Variants in CNTNAP2 observed in about 807,000 individuals in gnomAD.
CNTNAP2 encodes the protein contactin associated protein 2, also known as contactin-associated protein-like 2.
CNTNAP2 carries 98 observed loss-of-function variants against 155.2 expected under a neutral mutation model. That is an observed-to-expected ratio of 0.63 (90% CI 0.54 to 0.75). The LOEUF (loss-of-function observed/expected upper bound fraction) is 0.75. CNTNAP2 is among the 30% of genes least tolerant of loss of function. The pLI, the probability that CNTNAP2 is intolerant of heterozygous loss-of-function variation, is 0.00. For missense variants in CNTNAP2, 1,727 were observed against 1,688.1 expected (o/e 1.02, Z -0.40); for synonymous variants, 651 against 631.2 (o/e 1.03, Z -0.47).
intron 13 of CNTNAP2, among the ~76,000 whole-genome samples, chr7:147,767,641 T>A (rs1257367810): frequency 6.6e-6 from 1 of 152,034 alleles, no homozygotes; most frequent in Non-Finnish European, 1.5e-5. Flanking sequence ...CAAACATACA[T>A]GTAAGACAGA....
intron 1 of CNTNAP2, among the ~76,000 whole-genome samples, chr7:146,305,628 G>T (rs1270398101): frequency 1.3e-5 from 2 of 152,024 alleles, no homozygotes; most frequent in Non-Finnish European, 2.9e-5. Context: ...TGGAAGCTTT[G>T]TCTCAGAGGG....
intron 20 of CNTNAP2, among the ~76,000 whole-genome samples, chr7:148,231,978 G>T (rs1256878802): frequency 6.6e-6 from 1 of 152,170 alleles, no homozygotes; most frequent in Non-Finnish European, 1.5e-5. Flanking sequence ...TTCCGCCCTA[G>T]GTTCTGCACC....
chr7:147,636,119 A>T (rs952019584), intron 12 of CNTNAP2, among the ~76,000 whole-genome samples: 1 of 152,224 alleles, frequency 6.6e-6, no homozygotes, highest in Non-Finnish European at 1.5e-5. Context: ...TTCTTTGCTT[A>T]TCAGAAGAAC....
chr7:147,737,623 C>G (rs949803519), intron 13 of CNTNAP2, among the ~76,000 whole-genome samples: 4 of 152,218 alleles, frequency 2.6e-5, no homozygotes, highest in African/African-American at 4.8e-5. Context: ...GAGGTGGAGT[C>G]TACAGAGGCA....
intron 1 of CNTNAP2, among the ~76,000 whole-genome samples, chr7:146,214,330 A>G (rs1037498879): frequency 3.3e-5 from 5 of 152,156 alleles, no homozygotes; most frequent in Admixed American, 6.5e-5. Flanking sequence ...AGGGTTCTAT[A>G]CAGTTCAGGA....
intron 14 of CNTNAP2, among the ~76,000 whole-genome samples, chr7:147,910,031 CA>C (rs1458678857): frequency 6.6e-6 from 1 of 152,104 alleles, no homozygotes; most frequent in Non-Finnish European, 1.5e-5. Context: ...AATCCATGAC[CA>C]ACTTTTATAG....
At chr7:146,501,845 C>G (rs145328297) in intron 1 of CNTNAP2, among the ~76,000 whole-genome samples, 17 of 152,120 alleles carry the variant, frequency 1.1e-4, no homozygotes, top group African/African-American at 4.1e-4. Flanking sequence ...AAAGAGAAGA[C>G]TTAGACAAGG....
At chr7:146,944,864 C>T (rs549224222) in intron 3 of CNTNAP2, among the ~76,000 whole-genome samples, 38 of 149,842 alleles carry the variant, frequency 2.5e-4, no homozygotes, top group African/African-American at 8.4e-4. Context: ...GGCGACAGTG[C>T]GAGACTCCGT....
chr7:147,474,322 G>A (rs946200767), intron 10 of CNTNAP2, among the ~76,000 whole-genome samples: 64 of 152,048 alleles, frequency 4.2e-4, no homozygotes, highest in African/African-American at 9.6e-4. Context: ...GGCCGGGCAC[G>A]GTGGCTCACG....
At chr7:146,121,580 G>A (rs1049835988) in intron 1 of CNTNAP2, among the ~76,000 whole-genome samples, 4 of 152,130 alleles carry the variant, frequency 2.6e-5, no homozygotes, top group African/African-American at 7.2e-5. Context: ...GTCCTGATTT[G>A]TGAAGTGCTT....
intron 21 of CNTNAP2, among the ~76,000 whole-genome samples, chr7:148,346,381 T>C (rs1371793779): frequency 6.6e-6 from 1 of 152,242 alleles, no homozygotes; most frequent in Non-Finnish European, 1.5e-5. Flanking sequence ...GTAACACATT[T>C]GTGATTAAAA....
chr7:147,993,703 T>C (rs1801754715), intron 15 of CNTNAP2, among the ~76,000 whole-genome samples: 1 of 152,202 alleles, frequency 6.6e-6, no homozygotes, highest in Admixed American at 6.5e-5. Context: ...CCCGACTTTG[T>C]CTTATGACTT....
intron 1 of CNTNAP2, among the ~76,000 whole-genome samples, chr7:146,629,134 A>G (rs1007325070): frequency 6.6e-6 from 1 of 152,188 alleles, no homozygotes; most frequent in African/African-American, 2.4e-5. Flanking sequence ...TTCCTAAAAA[A>G]TAACATGCTG....
intron 1 of CNTNAP2, among the ~76,000 whole-genome samples, chr7:146,677,920 G>C (rs1800431298): frequency 6.6e-6 from 1 of 151,986 alleles, no homozygotes; most frequent in Non-Finnish European, 1.5e-5. Flanking sequence ...AGGCATGACT[G>C]ATGTCCCACG....
intron 4 of CNTNAP2, among the ~76,000 whole-genome samples, chr7:147,083,931 A>G (rs1289245143): frequency 7.2e-6 from 1 of 139,418 alleles, no homozygotes; most frequent in African/African-American, 2.6e-5. Context: ...ATACACATGT[A>G]TGTATATATT....
intron 14 of CNTNAP2, among the ~76,000 whole-genome samples, chr7:147,963,428 C>T (rs192527750): frequency 6.1e-4 from 92 of 152,042 alleles, no homozygotes; most frequent in Middle Eastern, 6.8e-3. Context: ...GGGAGAGTTT[C>T]ATAGAAGATA....
At chr7:146,717,207 G>A (rs1461244637) in intron 1 of CNTNAP2, among the ~76,000 whole-genome samples, 3 of 152,074 alleles carry the variant, frequency 2.0e-5, no homozygotes, top group African/African-American at 7.2e-5. Context: ...AGAGCTGTTT[G>A]TGTCACAAAT....
intron 14 of CNTNAP2, among the ~76,000 whole-genome samples, chr7:147,919,703 C>T (rs1412293386): frequency 6.6e-6 from 1 of 151,484 alleles, no homozygotes; most frequent in Non-Finnish European, 1.5e-5. Flanking sequence ...CGTGATCCGC[C>T]CGCCTCGGCC....
intron 15 of CNTNAP2, 82 bp from the exon 16 acceptor site, chr7:148,118,036 A>T: frequency 7.0e-7 from 1 of 1,424,140 alleles, no homozygotes; most frequent in Non-Finnish European, 9.9e-7. Context: ...GGTACTTATT[A>T]AACTCAAGCA....
Sources: gnomAD v4.1 joint callset for allele counts (sites outside exome capture counted in the v4.1 genomes callset) on GRCh38, gnomAD v4.1.1 for gene constraint, MANE v1.5 for transcripts, NCBI Gene and HGNC (gene_info 2026-07-23, HGNC 2026-07-21) for gene names.